Variants in MTHFD1L observed in about 807,000 individuals in gnomAD.
MTHFD1L encodes the protein methylenetetrahydrofolate dehydrogenase (NADP+ dependent) 1 like.
A neutral mutation model predicts 119.5 loss-of-function variants in MTHFD1L; 81 were observed. The observed-to-expected ratio is 0.68, with a 90% CI of 0.57 to 0.82. The LOEUF (loss-of-function observed/expected upper bound fraction) is 0.82, where lower values mean the gene tolerates loss of function less well. MTHFD1L is among the 40% of genes least tolerant of loss of function. The pLI is 0.00. For synonymous variants in MTHFD1L, 430 were observed against 475.2 expected (o/e 0.90, Z 1.24); for missense variants, 1,125 against 1,253.4 (o/e 0.90, Z 1.55).
intron 7 of MTHFD1L, among the ~76,000 whole-genome samples, chr6:150,902,296 T>C (rs1222241020): frequency 1.3e-5 from 2 of 152,178 alleles, no homozygotes; most frequent in Non-Finnish European, 2.9e-5. Context: ...CCCCACACGC[T>C]CCCTGTTAAG....
chr6:151,006,704 G>A lies in MTHFD1L; in HGVS notation c.2126-3115G>A, dbSNP rs748052991. ...CTACTCTCTTTTTATTTGGTTTGGAGATAGATGGTGACTTTCCTTCAGTGC... is the reference window on the plus strand; with the variant it reads ...CTACTCTCTTTTTATTTGGTTTGGAAATAGATGGTGACTTTCCTTCAGTGC... On this transcript the variant is annotated intron_variant, in intron 20 of 27. Transcript: ENST00000367321. Among the ~76,000 whole-genome samples, 115 of 152,080 alleles carry A rather than the reference G, an allele frequency of 7.6e-4. 1 individual carries two copies. Among genetic ancestry groups the A allele is most frequent in the Non-Finnish European group, 2.4e-4 (16 of 68,036 alleles).
chr6:150,965,184 G>C, intron 19 of MTHFD1L, 147 bp downstream of exon 19: 2 of 659,662 alleles, frequency 3.0e-6, no homozygotes, highest in South Asian at 3.6e-5. Context: ...TGAGGATCTG[G>C]TTAGGAACCT....
rs377448897 is a variant in MTHFD1L, at chr6:151,043,121, A to T, written c.2847+6004A>T. Among the ~76,000 whole-genome samples the T allele has an allele frequency of 1.6e-4, 25 of 151,904 alleles. No individual in the cohort carries two copies. In the East Asian group the frequency reaches 1.7e-3, roughly 11 times the overall value. On this transcript the variant is annotated intron_variant, in intron 26 of 27. Coordinates refer to ENST00000367321, the MANE Select transcript of MTHFD1L (RefSeq NM_015440.5). ...AGTATGATTTGTCTAGCTCTGACTA[A>T]TGTGTGCAAACCCCACATTCCACTA...
chr6:151,079,560 G>T (rs1271168651), intron 26 of MTHFD1L, among the ~76,000 whole-genome samples: 1 of 152,016 alleles, frequency 6.6e-6, no homozygotes, highest in Non-Finnish European at 1.5e-5. Context: ...CGTGATCTCG[G>T]CTCACCGCAA....
intron 14 of MTHFD1L, among the ~76,000 whole-genome samples, chr6:150,944,857 T>C (rs1264805498): frequency 6.6e-6 from 1 of 152,252 alleles, no homozygotes; most frequent in Non-Finnish European, 1.5e-5. Flanking sequence ...GATGAGTCTT[T>C]AGTTTTAAAG....
At chr6:150,953,995 A>G (rs897006332) in intron 16 of MTHFD1L, among the ~76,000 whole-genome samples, 2 of 152,148 alleles carry the variant, frequency 1.3e-5, no homozygotes, top group African/African-American at 2.4e-5. Context: ...GTGTGTTTAT[A>G]TGAGTGTCAG....
intron 25 of MTHFD1L, 92 bp downstream of exon 25, chr6:151,034,692 G>A: frequency 9.0e-6 from 7 of 779,412 alleles, no homozygotes; most frequent in Admixed American, 2.2e-5. Context: ...TATCGCACCA[G>A]CTAACCTTTG....
chr6:150,990,368 A>G (rs1778893048), intron 20 of MTHFD1L, among the ~76,000 whole-genome samples: 1 of 152,222 alleles, frequency 6.6e-6, no homozygotes, highest in African/African-American at 2.4e-5. Context: ...AAAACAGTTA[A>G]TAGCAGAGGA....
intron 26 of MTHFD1L, among the ~76,000 whole-genome samples, chr6:151,057,881 T>G (rs1477582257): frequency 6.6e-6 from 1 of 152,024 alleles, no homozygotes; most frequent in Non-Finnish European, 1.5e-5. Context: ...CAGGCTCAAG[T>G]GATTTTCCTG....
chr6:150,923,664 G>A (rs753324752), intron 10 of MTHFD1L, among the ~76,000 whole-genome samples: 26 of 149,034 alleles, frequency 1.7e-4, no homozygotes, highest in Non-Finnish European at 4.4e-5. Flanking sequence ...CCACCGCACC[G>A]GGGCTGACTC....
At chr6:150,917,892 T>G (rs1668079307) in intron 8 of MTHFD1L, among the ~76,000 whole-genome samples, 1 of 152,176 alleles carries the variant, frequency 6.6e-6, no homozygotes, top group African/African-American at 2.4e-5. Context: ...AGCTATTATT[T>G]CTATCTCTAA....
chr6:151,016,535 C>T (rs897574977), intron 24 of MTHFD1L, among the ~76,000 whole-genome samples: 1 of 148,756 alleles, frequency 6.7e-6, no homozygotes, highest in Non-Finnish European at 1.5e-5. Context: ...CTTGGGCAGG[C>T]TGGTCTCAAA....
chr6:150,893,372 G>A (rs1476273549), intron 7 of MTHFD1L, among the ~76,000 whole-genome samples: 1 of 152,070 alleles, frequency 6.6e-6, no homozygotes, highest in Admixed American at 6.6e-5. Flanking sequence ...GCCCACATGG[G>A]GATTTTTGTT....
At chr6:150,959,766 A>G (rs922309717) in intron 17 of MTHFD1L, among the ~76,000 whole-genome samples, 2 of 152,118 alleles carry the variant, frequency 1.3e-5, no homozygotes, top group African/African-American at 4.8e-5. Context: ...CCTATTACTA[A>G]CAAGGGAGGT....
intron 1 of MTHFD1L, among the ~76,000 whole-genome samples, chr6:150,871,707 T>C (rs1280947086): frequency 6.6e-6 from 1 of 151,540 alleles, no homozygotes; most frequent in Non-Finnish European, 1.5e-5. Context: ...TTTCACCATA[T>C]TGGCCAGGCT....
At chr6:150,929,855 G>A (rs1380313021) in intron 11 of MTHFD1L, among the ~76,000 whole-genome samples, 1 of 142,998 alleles carries the variant, frequency 7.0e-6, no homozygotes, top group Non-Finnish European at 1.5e-5. Context: ...AAAATTAAAT[G>A]GCCTGTCTCT....
At chr6:150,962,914 C>CTTTTTTTTTTT (rs4035893) in intron 18 of MTHFD1L, among the ~76,000 whole-genome samples, 26 of 114,142 alleles carry the variant, frequency 2.3e-4, no homozygotes, top group African/African-American at 4.7e-4. Context: ...CTTTTCTTTT[C>CTTTTTTTTTTT]TTTTTTTTTT....
intron 20 of MTHFD1L, among the ~76,000 whole-genome samples, chr6:150,999,003 TAC>T (rs1562516075): frequency 0.022 from 2,589 of 116,382 alleles, 93 homozygotes; most frequent in African/African-American, 0.071. Context: ...AAAATATATA[TAC>T]ATATATATAT....
chr6:151,083,532 T>A (rs1793432638), intron 26 of MTHFD1L, among the ~76,000 whole-genome samples: 1 of 152,214 alleles, frequency 6.6e-6, no homozygotes, highest in South Asian at 2.1e-4. Context: ...ATGGCCTTTC[T>A]TTTATCTTTC....
Sources: gnomAD v4.1 joint callset for allele counts (sites outside exome capture counted in the v4.1 genomes callset) on GRCh38, gnomAD v4.1.1 for gene constraint, MANE v1.5 for transcripts, NCBI Gene and HGNC (gene_info 2026-07-23, HGNC 2026-07-21) for gene names.